CAMK1D: variants seen among roughly 807,000 people sequenced by gnomAD.
CAMK1D encodes the protein calcium/calmodulin dependent protein kinase ID, also known as calcium/calmodulin-dependent protein kinase type 1D.
In CAMK1D, 9 loss-of-function variants were observed where a neutral mutation model predicts 47.7. The ratio of observed to expected loss-of-function variants is 0.19; its 90% CI spans 0.11 to 0.33. The LOEUF (loss-of-function observed/expected upper bound fraction) is 0.33, where lower values mean the gene tolerates loss of function less well. Among genes scored for constraint, CAMK1D ranks in the 10% least tolerant of loss-of-function variants. The pLI, the probability that CAMK1D is intolerant of heterozygous loss-of-function variation, is 1.00. For synonymous variants in CAMK1D, 184 were observed against 184.9 expected (o/e 0.99, Z 0.04); for missense variants, 291 against 488.7 (o/e 0.60, Z 3.81).
chr10:12,529,683 G>A (rs1366690318), intron 1 of CAMK1D, among the ~76,000 whole-genome samples: 4 of 152,152 alleles, frequency 2.6e-5, no homozygotes, highest in Admixed American at 2.0e-4. Context: ...CTCCATGTAC[G>A]GGGTCACACA....
At position 12,398,222 on chromosome 10, in the gene CAMK1D, G is replaced by A. The variant is rs115475514; in HGVS notation, c.92+48312G>A. On this transcript the variant is annotated intron_variant, in intron 1 of 10. Transcript: ENST00000619168. ...ACCTCATTCTTTTTTTTTCTTTAGAGTCATATTCTATTCTCATAGAATTTT... is the reference window on the plus strand; with the variant it reads ...ACCTCATTCTTTTTTTTTCTTTAGAATCATATTCTATTCTCATAGAATTTT... 9.9e-3 allele frequency among the ~76,000 whole-genome samples: 1,499 copies of A among 151,858 alleles called. 27 individuals are homozygous for A. Among genetic ancestry groups the A allele is most frequent in the African/African-American group, 0.034 (1,401 of 41,384 alleles).
At chr10:12,379,065 C>G (rs1385643545) in intron 1 of CAMK1D, among the ~76,000 whole-genome samples, 1 of 152,102 alleles carries the variant, frequency 6.6e-6, no homozygotes, top group Non-Finnish European at 1.5e-5. Context: ...CCACCTCGGC[C>G]TCCCAAAGTG....
chr10:12,587,942 G>C (rs551536369), intron 2 of CAMK1D, among the ~76,000 whole-genome samples: 66 of 152,030 alleles, frequency 4.3e-4, no homozygotes, highest in Non-Finnish European at 6.6e-4. Flanking sequence ...CTTTTAAATA[G>C]TGCCTTTCTC....
intron 1 of CAMK1D, among the ~76,000 whole-genome samples, chr10:12,420,802 G>A (rs1840025798): frequency 1.3e-5 from 2 of 152,154 alleles, no homozygotes; most frequent in Non-Finnish European, 2.9e-5. Flanking sequence ...GTGTTTTCTT[G>A]CATTTTTAGA....
intron 3 of CAMK1D, among the ~76,000 whole-genome samples, chr10:12,747,972 T>C (rs912777862): frequency 6.6e-6 from 1 of 152,158 alleles, no homozygotes. Flanking sequence ...GTTAATCTCA[T>C]CCAAAAAGCA....
chr10:12,806,834 C>G (rs1432680949), intron 6 of CAMK1D, among the ~76,000 whole-genome samples: 5 of 152,142 alleles, frequency 3.3e-5, no homozygotes, highest in Admixed American at 2.6e-4. Context: ...TGTGTCTGGT[C>G]CCCATCCACA....
intron 2 of CAMK1D, among the ~76,000 whole-genome samples, chr10:12,647,028 A>C (rs1356035235): frequency 6.6e-6 from 1 of 150,970 alleles, no homozygotes; most frequent in Non-Finnish European, 1.5e-5. Context: ...GTTTTAGTAG[A>C]GATGGGGTTT....
intron 1 of CAMK1D, among the ~76,000 whole-genome samples, chr10:12,526,553 G>A (rs1287765787): frequency 3.3e-5 from 5 of 152,082 alleles, no homozygotes; most frequent in Non-Finnish European, 5.9e-5. Context: ...CACCACATAC[G>A]TGATTTTGCT....
At chr10:12,387,397 T>TATTATATATATTTTATATA (rs199871181) in intron 1 of CAMK1D, among the ~76,000 whole-genome samples, 1 of 83,754 alleles carries the variant, frequency 1.2e-5, no homozygotes, top group Non-Finnish European at 2.3e-5. Flanking sequence ...ATATTATATA[T>TATTATATATATTTTATATA]TTTTATATAT....
intron 8 of CAMK1D, among the ~76,000 whole-genome samples, chr10:12,821,697 G>C (rs545092285): frequency 6.6e-6 from 1 of 152,360 alleles, no homozygotes; most frequent in South Asian, 2.1e-4. Context: ...AAAGCTGGCC[G>C]GGTGTGGTGG....
Position 12,834,519 on chromosome 10 carries a change from G to C in CAMK1D, c.*5632G>C, listed in dbSNP as rs1227224406. On this transcript the variant is annotated 3_prime_UTR_variant, in exon 11 of 11. Coordinates refer to ENST00000619168, the MANE Select transcript of CAMK1D (RefSeq NM_153498.4). ...AAGCAAACTGTGGAATGGCTTCTCG[G>C]TGTCTGTATAAAGGGACAAACGGTT... 2 of 152,152 alleles carry C rather than the reference G, an allele frequency of 1.3e-5. No individual in the cohort carries two copies. Among genetic ancestry groups the C allele is most frequent in the Non-Finnish European group, 2.9e-5 (2 of 68,026 alleles). The allele number at this position is 152,152 out of a possible 1,614,324, so 9.4% of individuals were successfully genotyped here.
intron 1 of CAMK1D, among the ~76,000 whole-genome samples, chr10:12,360,369 C>A (rs534436767): frequency 6.6e-6 from 1 of 152,162 alleles, no homozygotes; most frequent in African/African-American, 2.4e-5. Context: ...AAACCCTAGA[C>A]CTTTGTAGCT....
At chr10:12,619,229 C>T (rs1838915138) in intron 2 of CAMK1D, among the ~76,000 whole-genome samples, 2 of 152,124 alleles carry the variant, frequency 1.3e-5, no homozygotes, top group South Asian at 2.1e-4. Flanking sequence ...ACTGTTATCC[C>T]TGTTTTTCTC....
chr10:12,624,955 TC>T (rs1363031327), intron 2 of CAMK1D, among the ~76,000 whole-genome samples: 1 of 151,610 alleles, frequency 6.6e-6, no homozygotes, highest in Non-Finnish European at 1.5e-5. Flanking sequence ...ATTTCTTTCT[TC>T]CCCCTTCTCC....
intron 8 of CAMK1D, among the ~76,000 whole-genome samples, chr10:12,822,948 C>G (rs1227023260): frequency 6.6e-6 from 1 of 152,140 alleles, no homozygotes; most frequent in Admixed American, 6.5e-5. Context: ...CTGCACGTCC[C>G]CTTGGCTGTG....
intron 2 of CAMK1D, among the ~76,000 whole-genome samples, chr10:12,561,564 C>CT (rs1836945213): frequency 6.6e-6 from 1 of 152,164 alleles, no homozygotes. Context: ...GAACTTTCCC[C>CT]TAAGTCCGGA....
chr10:12,694,028 TATATAAAATATAC>T (rs1833063036), intron 3 of CAMK1D, among the ~76,000 whole-genome samples: 1 of 73,328 alleles, frequency 1.4e-5, no homozygotes, highest in Non-Finnish European at 2.4e-5. Flanking sequence ...ATATATAATA[TATATAAAATATAC>T]ATATAATATA....
intron 5 of CAMK1D, among the ~76,000 whole-genome samples, chr10:12,776,880 T>C (rs577395481): frequency 1.9e-4 from 29 of 152,304 alleles, no homozygotes; most frequent in Non-Finnish European, 3.4e-4. Context: ...CAGTCTGAGC[T>C]GAAACATGAA....
intron 8 of CAMK1D, among the ~76,000 whole-genome samples, chr10:12,823,063 G>A (rs1473571576): frequency 1.3e-5 from 2 of 152,130 alleles, no homozygotes; most frequent in Non-Finnish European, 2.9e-5. Flanking sequence ...ATTTTATATC[G>A]ACTCTGTCCA....
Sources: gnomAD v4.1 joint callset for allele counts (sites outside exome capture counted in the v4.1 genomes callset) on GRCh38, gnomAD v4.1.1 for gene constraint, MANE v1.5 for transcripts, NCBI Gene and HGNC (gene_info 2026-07-23, HGNC 2026-07-21) for gene names.